Variants in ROBO2 observed in about 807,000 individuals in gnomAD.
ROBO2 encodes roundabout guidance receptor 2.
ROBO2 carries 53 observed loss-of-function variants against 160.8 expected under a neutral mutation model. The ratio of observed to expected loss-of-function variants is 0.33; its 90% CI spans 0.26 to 0.41. The LOEUF is 0.41. Ranked by LOEUF, ROBO2 falls within the 10% of genes least tolerant of loss-of-function variation. The pLI is 1.00. For missense variants in ROBO2, 1,577 were observed against 1,722.4 expected (o/e 0.92, Z 1.49); for synonymous variants, 664 against 611.7 (o/e 1.09, Z -1.26).
At chr3:76,998,129 T>C (rs1249524380) in intron 2 of ROBO2, among the ~76,000 whole-genome samples, 1 of 152,180 alleles carries the variant, frequency 6.6e-6, no homozygotes, top group Non-Finnish European at 1.5e-5. Flanking sequence ...TCTACAATGT[T>C]CTGTGGTCAG....
chr3:76,608,706 G>T (rs554067024), intron 2 of ROBO2, among the ~76,000 whole-genome samples: 2 of 152,256 alleles, frequency 1.3e-5, no homozygotes, highest in South Asian at 2.1e-4. Flanking sequence ...TATAGTTTGA[G>T]ATCTTAAATT....
chr3:77,198,435 T>C (rs2082508178), intron 2 of ROBO2, among the ~76,000 whole-genome samples: 3 of 152,124 alleles, frequency 2.0e-5, no homozygotes, highest in South Asian at 2.1e-4. Flanking sequence ...TTTAAAGCAA[T>C]GAAAGAAGGT....
At chr3:76,963,634 T>C (rs2079831437) in intron 2 of ROBO2, among the ~76,000 whole-genome samples, 1 of 151,944 alleles carries the variant, frequency 6.6e-6, no homozygotes, top group African/African-American at 2.4e-5. Flanking sequence ...AAGCAGTGAT[T>C]TTATAATAAA....
intron 2 of ROBO2, among the ~76,000 whole-genome samples, chr3:77,389,701 T>A (rs1431688210): frequency 6.6e-6 from 1 of 152,136 alleles, no homozygotes; most frequent in Non-Finnish European, 1.5e-5. Flanking sequence ...TCTTTCTCCC[T>A]TTTTTATTTT....
chr3:77,391,935 C>A (rs2074778893), intron 2 of ROBO2, among the ~76,000 whole-genome samples: 1 of 152,122 alleles, frequency 6.6e-6, no homozygotes, highest in African/African-American at 2.4e-5. Context: ...CTATTTTCCA[C>A]ATGCTTTCTA....
intron 2 of ROBO2, among the ~76,000 whole-genome samples, chr3:77,220,253 G>C (rs137926902): frequency 6.6e-6 from 1 of 151,812 alleles, no homozygotes; most frequent in South Asian, 2.1e-4. Context: ...CTCATGATCC[G>C]CCCACCTTGG....
chr3:76,273,953 A>G (rs1707764094), intron 2 of ROBO2, among the ~76,000 whole-genome samples: 1 of 152,160 alleles, frequency 6.6e-6, no homozygotes, highest in Non-Finnish European at 1.5e-5. Flanking sequence ...CTAAGTTATC[A>G]CATAGCAGAA....
At chr3:76,677,083 A>AG (rs1285893951) in intron 2 of ROBO2, among the ~76,000 whole-genome samples, 2 of 147,656 alleles carry the variant, frequency 1.4e-5, no homozygotes, top group African/African-American at 5.3e-5. Context: ...GTTTCTAGGC[A>AG]ATTTTTTTTT....
intron 2 of ROBO2, among the ~76,000 whole-genome samples, chr3:75,957,411 T>TA (rs1384780187): frequency 6.6e-6 from 1 of 151,734 alleles, no homozygotes; most frequent in Non-Finnish European, 1.5e-5. Flanking sequence ...TCTTAATTTT[T>TA]AATGTAATAT....
chr3:77,518,063 G>A (rs919883498), intron 5 of ROBO2, among the ~76,000 whole-genome samples: 2 of 151,488 alleles, frequency 1.3e-5, no homozygotes, highest in East Asian at 1.9e-4. Flanking sequence ...CTGTCTTGTA[G>A]GAGAGAGAGT....
intron 2 of ROBO2, among the ~76,000 whole-genome samples, chr3:76,257,484 T>A (rs1706473253): frequency 6.6e-6 from 1 of 152,180 alleles, no homozygotes. Context: ...TTATATGATG[T>A]TTACCTAATT....
intron 2 of ROBO2, among the ~76,000 whole-genome samples, chr3:77,114,029 C>T (rs369691715): frequency 1.8e-4 from 28 of 152,218 alleles, no homozygotes; most frequent in African/African-American, 3.6e-4. Flanking sequence ...AGATGACAAA[C>T]GAAGTAGCCT....
chr3:77,010,640 A>T (rs1221802504), intron 2 of ROBO2, among the ~76,000 whole-genome samples: 1 of 151,996 alleles, frequency 6.6e-6, no homozygotes, highest in Non-Finnish European at 1.5e-5. Context: ...TCTTCCTCAG[A>T]TGCCTTTCTT....
intron 2 of ROBO2, among the ~76,000 whole-genome samples, chr3:77,295,381 A>C (rs1001301607): frequency 1.3e-5 from 2 of 150,434 alleles, no homozygotes; most frequent in African/African-American, 5.0e-5. Context: ...GGGTAAGCTG[A>C]GGCTAGAGCA....
At chr3:77,216,995 G>A (rs995183452) in intron 2 of ROBO2, among the ~76,000 whole-genome samples, 1 of 152,084 alleles carries the variant, frequency 6.6e-6, no homozygotes, top group African/African-American at 2.4e-5. Context: ...CCAAGTAATT[G>A]ATGTTAGAGC....
intron 2 of ROBO2, among the ~76,000 whole-genome samples, chr3:77,124,304 G>A (rs2075106990): frequency 6.6e-6 from 1 of 152,102 alleles, no homozygotes; most frequent in African/African-American, 2.4e-5. Flanking sequence ...AGAGGAAAAT[G>A]GAGCATATCA....
intron 2 of ROBO2, among the ~76,000 whole-genome samples, chr3:77,379,072 C>T (rs1046298310): frequency 1.3e-5 from 2 of 151,982 alleles, no homozygotes; most frequent in Admixed American, 6.6e-5. Context: ...CTCAGCCTCT[C>T]GAGTAGCTGG....
intron 2 of ROBO2, among the ~76,000 whole-genome samples, chr3:76,564,662 G>A (rs2084402701): frequency 6.6e-6 from 1 of 152,202 alleles, no homozygotes; most frequent in Non-Finnish European, 1.5e-5. Context: ...CAGAATGGAA[G>A]CTTCCTGGCC....
At chr3:77,376,743 G>A (rs146673337) in intron 2 of ROBO2, among the ~76,000 whole-genome samples, 129 of 152,198 alleles carry the variant, frequency 8.5e-4, no homozygotes, top group Non-Finnish European at 1.5e-3. Context: ...CCATTAGACC[G>A]CAAGTCCATT....
Sources: allele counts gnomAD v4.1 joint callset (sites outside exome capture counted in the v4.1 genomes callset), GRCh38; gene constraint gnomAD v4.1.1; transcripts MANE v1.5; gene names NCBI Gene and HGNC (gene_info 2026-07-23, HGNC 2026-07-21).